The following PRPF6 variants were observed in gnomAD, a reference collection of about 807,000 sequenced individuals.
PRPF6 encodes the protein pre-mRNA processing factor 6.
In PRPF6, 42 loss-of-function variants were observed where a neutral mutation model predicts 118.3. That is an observed-to-expected ratio of 0.35 (90% confidence interval 0.28 to 0.46). The LOEUF (loss-of-function observed/expected upper bound fraction) is 0.46. PRPF6 is among the 20% of genes least tolerant of loss of function. PRPF6 has a pLI of 1.00. For missense variants in PRPF6, 662 were observed against 1,255.7 expected, an observed-to-expected ratio of 0.53 and a Z score of 7.15; for synonymous variants, 481 against 485.1, an observed-to-expected ratio of 0.99 and a Z score of 0.11.
Position 63,995,334 on chromosome 20 carries a change from G to T in PRPF6, c.623G>T (p.Gly208Val). 1 of 1,611,908 alleles carries T rather than the reference G, an allele frequency of 6.2e-7. No individual in the cohort carries two copies. The highest frequency in any genetic ancestry group is 8.5e-7 in the Non-Finnish European group (1 of 1,179,032). ...TSVDPRQTQF[G>V]GLNTPYPGGL... ...TCCTCTCTTCCCCTCCAGCAATTTGGAGGTCTTAACACACCCTATCCAGGT... is the reference window on the plus strand; with the variant it reads ...TCCTCTCTTCCCCTCCAGCAATTTGTAGGTCTTAACACACCCTATCCAGGT... Residue 208 changes from glycine (G) to valine (V), a missense_variant, in exon 6 of 21, where the codon GGA becomes GTA. This residue lies in a region of PRPF6 where 97 missense variants were observed against 122.6 expected (regional missense o/e 0.79). Transcript: ENST00000266079.
chr20:64,000,570 A>ATT (rs773832856), intron 8 of PRPF6, among the ~76,000 whole-genome samples: 12 of 141,678 alleles, frequency 8.5e-5, no homozygotes, highest in Non-Finnish European at 1.4e-4. Context: ...GTGGTGTTTC[A>ATT]TTTTTTTTTT....
chr20:64,016,593 C>T, intron 11 of PRPF6, 130 bp from the exon 12 acceptor site: 1 of 1,215,374 alleles, frequency 8.2e-7, no homozygotes, highest in South Asian at 1.3e-5. Flanking sequence ...CCTCAGATCC[C>T]CAGTAGGCAG....
intron 3 of PRPF6, among the ~76,000 whole-genome samples, chr20:63,988,913 G>A (rs1165431324): frequency 6.6e-6 from 1 of 151,818 alleles, no homozygotes; most frequent in Non-Finnish European, 1.5e-5. Flanking sequence ...AAATGTACAT[G>A]GAGCCAAAAA....
intron 10 of PRPF6, 131 bp downstream of exon 10, chr20:64,010,449 C>T: frequency 1.3e-6 from 1 of 783,236 alleles, no homozygotes. Flanking sequence ...GAGCAGAAGG[C>T]CCTGTGGAAC....
intron 3 of PRPF6, among the ~76,000 whole-genome samples, chr20:63,991,080 T>A (rs931826122): frequency 6.6e-6 from 1 of 151,872 alleles, no homozygotes; most frequent in African/African-American, 2.4e-5. Context: ...GTTACTACAC[T>A]CAGCCCTACA....
At chr20:64,007,395 C>T (rs2059195312) in intron 9 of PRPF6, among the ~76,000 whole-genome samples, 1 of 142,344 alleles carries the variant, frequency 7.0e-6, no homozygotes, top group African/African-American at 2.6e-5. Context: ...CCTCTGCCTC[C>T]CGTCCCCTCT....
chr20:63,999,158 C>T lies in PRPF6; in HGVS notation c.866+19C>T, dbSNP rs573909801. The T allele has an allele frequency of 1.6e-5, 25 of 1,606,578 alleles. No homozygotes were observed. In the East Asian group the frequency reaches 4.5e-4, roughly 29 times the overall value. On this transcript the variant is annotated intron_variant, in intron 7 of 20. Coordinates refer to ENST00000266079, the MANE Select transcript of PRPF6 (RefSeq NM_012469.4). The stretch of plus-strand genomic sequence containing the variant: ...ACATCAAGTGAGTGCTTTGCAGAAT[C>T]GCTGGGCTGGGATGGAGACTCTAGT...
At chr20:64,023,433 G>A (rs900867973) in intron 13 of PRPF6, among the ~76,000 whole-genome samples, 1 of 152,208 alleles carries the variant, frequency 6.6e-6, no homozygotes, top group African/African-American at 2.4e-5. Context: ...AGCTCTCAAG[G>A]GCATTGGGCT....
At position 64,027,242 on chromosome 20, in the gene PRPF6, G is replaced by A. The variant is rs757310178; in HGVS notation, c.2205+84G>A. On this transcript the variant is annotated intron_variant, in intron 16 of 20. Transcript: ENST00000266079. The surrounding 1 kb of genome is among the most constrained non-coding windows in gnomAD (Gnocchi z 6.5). ...CCCTGGTGCAGGGTCATTGCCCTTC[G>A]CCTCTGAGGAGATGTGGAGGGCTGG... 35 of 1,523,702 alleles carry A rather than the reference G, an allele frequency of 2.3e-5. No homozygotes were observed. Among genetic ancestry groups the A allele is most frequent in the Non-Finnish European group, 2.6e-5 (29 of 1,113,956 alleles). The allele number at this position is 1,523,702 out of a possible 1,614,324, so 94.4% of individuals were successfully genotyped here. A position where few individuals can be genotyped will look rare whatever the true frequency, so the allele number is the denominator to read the frequency against.
chr20:64,008,257 G>A (rs995251156), intron 9 of PRPF6, among the ~76,000 whole-genome samples: 2 of 152,156 alleles, frequency 1.3e-5, no homozygotes, highest in African/African-American at 4.8e-5. Flanking sequence ...TCGGTTTGTT[G>A]ATGGAATTGG....
At chr20:64,021,217 T>G (rs1483327709) in intron 12 of PRPF6, among the ~76,000 whole-genome samples, 1 of 152,164 alleles carries the variant, frequency 6.6e-6, no homozygotes, top group Non-Finnish European at 1.5e-5. Context: ...TGCATATGGC[T>G]CGGCCACAGC....
chr20:63,998,650 G>T (rs1357014095), intron 6 of PRPF6, among the ~76,000 whole-genome samples: 3 of 151,224 alleles, frequency 2.0e-5, no homozygotes, highest in Non-Finnish European at 4.4e-5. Context: ...GACCATCCTG[G>T]CTAACACGGT....
At chr20:64,025,909 C>A (rs1251025322) in intron 14 of PRPF6, 30 bp from the exon 15 acceptor site, 1 of 1,613,430 alleles carries the variant, frequency 6.2e-7, no homozygotes, top group South Asian at 1.1e-5. Flanking sequence ...TGTTCTGACC[C>A]CTCTTGACGC....
At chr20:64,017,675 G>A (rs888639556) in intron 12 of PRPF6, among the ~76,000 whole-genome samples, 1 of 152,246 alleles carries the variant, frequency 6.6e-6, no homozygotes, top group South Asian at 2.1e-4. Flanking sequence ...GAGGCGCCAC[G>A]CCTGGCCGCA....
chr20:63,981,139 A>G lies in PRPF6; in HGVS notation c.-107A>G, dbSNP rs2059063858. 1.6e-5 allele frequency: 19 copies of G among 1,221,732 alleles called. No homozygotes were observed. The highest frequency in any genetic ancestry group is 2.2e-5 in the Non-Finnish European group (19 of 848,556). The allele number at this position is 1,221,732 out of a possible 1,614,324, so 75.7% of individuals were successfully genotyped here. A position where few individuals can be genotyped will look rare whatever the true frequency, so the allele number is the denominator to read the frequency against. On this transcript the variant is annotated 5_prime_UTR_variant, in exon 1 of 21. Coordinates refer to ENST00000266079, the MANE Select transcript of PRPF6 (RefSeq NM_012469.4). ...GGGCGCGGGTGACGCGACGACGGCG[A>G]CACTTTGCTACGGAGTGCATCGGAC...
intron 3 of PRPF6, among the ~76,000 whole-genome samples, chr20:63,986,251 A>G (rs2059092619): frequency 6.6e-6 from 1 of 151,088 alleles, no homozygotes; most frequent in Admixed American, 6.6e-5. Flanking sequence ...AGGCTGAGGC[A>G]AGAGAATCGC....
At chr20:64,003,217 C>T (rs1272651217) in intron 9 of PRPF6, among the ~76,000 whole-genome samples, 3 of 152,350 alleles carry the variant, frequency 2.0e-5, no homozygotes, top group Admixed American at 2.0e-4. Flanking sequence ...GCTGGGATTA[C>T]AGGCATCAGC....
At chr20:63,993,181 A>T (rs527815316) in intron 3 of PRPF6, among the ~76,000 whole-genome samples, 1 of 149,830 alleles carries the variant, frequency 6.7e-6, no homozygotes, top group South Asian at 2.1e-4. Context: ...GCGCCACTGC[A>T]CTTTAGCCTG....
intron 11 of PRPF6, 42 bp from the exon 12 acceptor site, chr20:64,016,681 T>C (rs1166530978): frequency 2.5e-6 from 4 of 1,612,558 alleles, no homozygotes; most frequent in Non-Finnish European, 1.7e-6. Flanking sequence ...TCTGCAGCTC[T>C]GATTTCCAAA....
Sources: allele counts gnomAD v4.1 joint callset (sites outside exome capture counted in the v4.1 genomes callset), GRCh38; gene constraint gnomAD v4.1.1; regional missense constraint gnomAD v4.1.1; non-coding constraint Gnocchi (gnomAD v3.1); transcripts MANE v1.5; gene names NCBI Gene and HGNC (gene_info 2026-07-23, HGNC 2026-07-21).